The following LRMDA variants were observed in gnomAD, a reference collection of about 807,000 sequenced individuals.
The protein encoded by LRMDA is leucine rich melanocyte differentiation associated, also known as leucine-rich melanocyte differentiation-associated protein.
A neutral mutation model predicts 29.8 loss-of-function variants in LRMDA; 18 were observed. The observed-to-expected ratio is 0.60, with a 90% CI of 0.42 to 0.90. The LOEUF (loss-of-function observed/expected upper bound fraction) is 0.90, where lower values mean the gene tolerates loss of function less well. Among genes scored for constraint, LRMDA ranks in the 40% least tolerant of loss-of-function variants. LRMDA has a pLI of 0.00. For synonymous variants in LRMDA, 125 were observed against 109.4 expected, an observed-to-expected ratio of 1.14 and a Z score of -0.89; for missense variants, 273 against 273.9, an observed-to-expected ratio of 1.00 and a Z score of 0.02.
chr10:75,509,430 A>G (rs1005546595), intron 2 of LRMDA, among the ~76,000 whole-genome samples: 4 of 152,146 alleles, frequency 2.6e-5, no homozygotes, highest in African/African-American at 9.7e-5. Flanking sequence ...ACATGTGCAT[A>G]TTATTTAGTC....
intron 6 of LRMDA, among the ~76,000 whole-genome samples, chr10:76,408,316 C>T (rs1221676127): frequency 6.6e-6 from 1 of 152,116 alleles, no homozygotes; most frequent in African/African-American, 2.4e-5. Flanking sequence ...AGACAGAGGG[C>T]CTTGAATGGT....
chr10:75,777,999 C>T lies in LRMDA; in HGVS notation c.132-258009C>T, dbSNP rs114328447. ...CCAGCAGGGGAGGGAACAGTAAACA[C>T]ACTATAATCTGATTCATTTCTGGGG... On this transcript the variant is annotated intron_variant, in intron 2 of 6. Coordinates refer to ENST00000611255, the MANE Select transcript of LRMDA (RefSeq NM_001305581.2). 9.2e-4 allele frequency among the ~76,000 whole-genome samples: 140 copies of T among 152,258 alleles called. 1 individual carries two copies. Among genetic ancestry groups the T allele is most frequent in the African/African-American group, 3.3e-3 (136 of 41,552 alleles).
At chr10:76,039,475 G>A (rs907282488) in intron 3 of LRMDA, among the ~76,000 whole-genome samples, 1 of 152,232 alleles carries the variant, frequency 6.6e-6, no homozygotes, top group East Asian at 1.9e-4. Flanking sequence ...ATGTAAAATG[G>A]TTATTCACCC....
At chr10:75,846,825 C>T (rs986614499) in intron 2 of LRMDA, among the ~76,000 whole-genome samples, 4 of 151,950 alleles carry the variant, frequency 2.6e-5, no homozygotes, top group Non-Finnish European at 4.4e-5. Flanking sequence ...AAAACTTGTA[C>T]AAAAAGTATA....
intron 6 of LRMDA, among the ~76,000 whole-genome samples, chr10:76,442,165 C>T (rs760962411): frequency 2.6e-5 from 4 of 152,042 alleles, no homozygotes; most frequent in African/African-American, 7.2e-5. Context: ...AGGGTAAATA[C>T]GTGATTATTG....
intron 2 of LRMDA, among the ~76,000 whole-genome samples, chr10:76,007,465 T>C (rs1458001476): frequency 1.3e-5 from 2 of 152,230 alleles, no homozygotes; most frequent in Non-Finnish European, 2.9e-5. Flanking sequence ...CTTATTCATC[T>C]GCTTCCTGCG....
chr10:76,158,527 TA>T (rs1348632043), intron 5 of LRMDA, among the ~76,000 whole-genome samples: 8 of 152,192 alleles, frequency 5.3e-5, no homozygotes, highest in Non-Finnish European at 1.2e-4. Context: ...AAAACTGATA[TA>T]TTTTTTAAAG....
At chr10:75,770,454 A>C (rs1161574429) in intron 2 of LRMDA, among the ~76,000 whole-genome samples, 1 of 152,214 alleles carries the variant, frequency 6.6e-6, no homozygotes. Context: ...ATTTTTAAAA[A>C]GTTGTATATG....
chr10:76,331,783 T>C (rs1418472642), intron 6 of LRMDA, among the ~76,000 whole-genome samples: 2 of 152,236 alleles, frequency 1.3e-5, no homozygotes, highest in Non-Finnish European at 2.9e-5. Context: ...CCCATTACTT[T>C]AGTTTTCTTT....
intron 6 of LRMDA, among the ~76,000 whole-genome samples, chr10:76,528,228 G>A (rs1328774773): frequency 6.6e-6 from 1 of 152,036 alleles, no homozygotes; most frequent in Admixed American, 6.6e-5. Context: ...ATTCACTATA[G>A]TAATGTTTGT....
At chr10:76,351,583 G>T (rs745947975) in intron 6 of LRMDA, among the ~76,000 whole-genome samples, 2 of 151,834 alleles carry the variant, frequency 1.3e-5, no homozygotes, top group African/African-American at 4.8e-5. Context: ...TAGCAGATTT[G>T]CTCAGTAATG....
chr10:75,708,650 T>C (rs12251248), intron 2 of LRMDA, among the ~76,000 whole-genome samples: 5,732 of 152,140 alleles, frequency 0.038, 276 homozygotes, highest in African/African-American at 0.11. Flanking sequence ...TAGGAGATCA[T>C]TGGCTCAATT....
At chr10:75,449,044 C>T (rs777876553) in intron 2 of LRMDA, among the ~76,000 whole-genome samples, 5 of 150,484 alleles carry the variant, frequency 3.3e-5, no homozygotes, top group Admixed American at 6.7e-5. Context: ...CCAAGCTACT[C>T]GGGAGGCTGA....
In LRMDA at chr10:76,452,493, GA is replaced by G. The variant is rs573403385; in HGVS notation, c.602-104705del. ...GTGAAATTTAAGATGGGAACTGAAT[GA>G]AAAAAAAAAAGATATCCATCAGGTA... On this transcript the variant is annotated intron_variant, in intron 6 of 6. Transcript: ENST00000611255. Among the ~76,000 whole-genome samples the G allele has an allele frequency of 1.6e-3, 238 of 144,326 alleles. 2 individuals carry two copies. The highest frequency in any genetic ancestry group is 4.7e-3 in the African/African-American group (187 of 39,520). 94.7% of individuals were successfully genotyped at this position (144,326 alleles called of 152,430 possible). A position where few individuals can be genotyped will look rare whatever the true frequency, so the allele number is the denominator to read the frequency against.
intron 5 of LRMDA, among the ~76,000 whole-genome samples, chr10:76,289,912 A>G (rs1243925968): frequency 6.6e-6 from 1 of 152,134 alleles, no homozygotes; most frequent in Non-Finnish European, 1.5e-5. Flanking sequence ...AAACAGAGGA[A>G]GTTTCACTGT....
At chr10:76,523,961 G>T (rs1843148066) in intron 6 of LRMDA, among the ~76,000 whole-genome samples, 1 of 152,196 alleles carries the variant, frequency 6.6e-6, no homozygotes, top group Non-Finnish European at 1.5e-5. Context: ...CCATGTGGTT[G>T]TAAAGAATAA....
At chr10:75,784,298 T>A (rs1195880970) in intron 2 of LRMDA, among the ~76,000 whole-genome samples, 7 of 152,172 alleles carry the variant, frequency 4.6e-5, no homozygotes, top group Non-Finnish European at 8.8e-5. Flanking sequence ...TATCTTACAG[T>A]GTTGTTAGGA....
chr10:76,457,497 T>C (rs1361069823), intron 6 of LRMDA, among the ~76,000 whole-genome samples: 1 of 118,978 alleles, frequency 8.4e-6, no homozygotes, highest in Non-Finnish European at 1.9e-5. Context: ...GTGCTATGCT[T>C]TTCATGTGTT....
chr10:76,287,778 A>C (rs896564078), intron 5 of LRMDA, among the ~76,000 whole-genome samples: 7 of 152,236 alleles, frequency 4.6e-5, no homozygotes, highest in African/African-American at 1.7e-4. Flanking sequence ...TAAAAAGACC[A>C]GCAAACAAAC....
Sources: allele counts gnomAD v4.1 joint callset (sites outside exome capture counted in the v4.1 genomes callset), GRCh38; gene constraint gnomAD v4.1.1; transcripts MANE v1.5; gene names NCBI Gene and HGNC (gene_info 2026-07-23, HGNC 2026-07-21).